HIBCH: variants seen among roughly 807,000 people sequenced by gnomAD.
The protein encoded by HIBCH is 3-hydroxyisobutyryl-CoA hydrolase, also known as 3-hydroxyisobutyryl-CoA hydrolase, mitochondrial.
Under a neutral mutation model 58.2 loss-of-function variants are expected in HIBCH, and 50 were observed. The ratio of observed to expected loss-of-function variants is 0.86; its 90% CI spans 0.68 to 1.09. The LOEUF (loss-of-function observed/expected upper bound fraction) is 1.09. Among genes scored for constraint, HIBCH ranks in the 50% least tolerant of loss-of-function variants. HIBCH has a pLI of 0.00. For missense variants in HIBCH, 450 were observed against 449.7 expected, an observed-to-expected ratio of 1.00 and a Z score of -0.01; for synonymous variants, 151 against 146.9, an observed-to-expected ratio of 1.03 and a Z score of -0.20.
downstream of HIBCH, chr2:190,202,268 T>TAATAGAGTAC (rs1205828034): frequency 6.0e-6 from 1 of 167,032 alleles, no homozygotes; most frequent in African/African-American, 2.4e-5. Flanking sequence ...AATCACATTT[T>TAATAGAGTAC]AATAGAGTAC....
intron 3 of HIBCH, 86 bp downstream of exon 3, chr2:190,296,727 G>T: frequency 8.2e-7 from 1 of 1,218,572 alleles, no homozygotes; most frequent in Non-Finnish European, 1.2e-6. Flanking sequence ...AGAATTATGT[G>T]ATTCTATGGG....
chr2:190,200,932 G>C (rs574770488), downstream of HIBCH: 1 of 166,998 alleles, frequency 6.0e-6, no homozygotes, highest in South Asian at 2.1e-4. Flanking sequence ...AGTCTGCAAG[G>C]TAGAAAGTTT....
rs1281248157 is a variant in HIBCH, at chr2:190,197,695, C to G, written c.*17+7405G>C. 3.3e-5 allele frequency among the ~76,000 whole-genome samples: 5 copies of G among 152,170 alleles called. No homozygotes were observed. The highest frequency in any genetic ancestry group is 3.3e-4 in the Admixed American group (5 of 15,280). On this transcript the variant is annotated intron_variant, in intron 1 of 1. Transcript: ENST00000399855. This position sits in a 1 kb window ranked among gnomAD's most constrained non-coding sequence, Gnocchi z 4.0. ...TTTTTCTTCTCTCAGGGATCACAAT[C>G]CAGTGTTGCTTGTTGCTCTATGCCT...
rs1455815186 is a variant in HIBCH, at chr2:190,207,071, G to A, written c.1045+1809C>T. Reference sequence around the variant, plus strand: ...CGGGAGGCGGAGTTTGCAGTGAGCCGAGATTTTGCCACTGCTCTCCAGCCT... The same window carrying A: ...CGGGAGGCGGAGTTTGCAGTGAGCCAAGATTTTGCCACTGCTCTCCAGCCT... On this transcript the variant is annotated intron_variant, in intron 13 of 13. Transcript: ENST00000359678. The surrounding 1 kb of genome is among the most constrained non-coding windows in gnomAD (Gnocchi z 4.5). Among the ~76,000 whole-genome samples, 1 of 152,192 alleles carries A rather than the reference G, an allele frequency of 6.6e-6. No individual in the cohort carries two copies.
intron 7 of HIBCH, among the ~76,000 whole-genome samples, chr2:190,258,778 T>C (rs889005035): frequency 6.6e-6 from 1 of 152,166 alleles, no homozygotes; most frequent in African/African-American, 2.4e-5. Flanking sequence ...TTTAATCCAT[T>C]TGAGGTTTTT....
At chr2:190,252,599 C>T (rs1177932975) in intron 7 of HIBCH, among the ~76,000 whole-genome samples, 2 of 152,086 alleles carry the variant, frequency 1.3e-5, no homozygotes. Flanking sequence ...CCTAAATTTT[C>T]TTACCACTGA....
chr2:190,254,085 T>C lies in HIBCH; in HGVS notation c.518-1778A>G, dbSNP rs943465400. Among the ~76,000 whole-genome samples, 1 of 152,138 alleles carries C rather than the reference T, an allele frequency of 6.6e-6. No homozygotes were observed. The highest frequency in any genetic ancestry group is 1.5e-5 in the Non-Finnish European group (1 of 68,036). Reference sequence around the variant, plus strand: ...CTATATATACATTTTCCTTAACTCCTATGACTTTAAATAATATCTATATGC... The same window carrying C: ...CTATATATACATTTTCCTTAACTCCCATGACTTTAAATAATATCTATATGC... On this transcript the variant is annotated intron_variant, in intron 7 of 13. Coordinates refer to ENST00000359678, the MANE Select transcript of HIBCH (RefSeq NM_014362.4). The surrounding 1 kb of genome is among the most constrained non-coding windows in gnomAD (Gnocchi z 5.0).
At chr2:190,247,811 C>T (rs945312827) in intron 9 of HIBCH, among the ~76,000 whole-genome samples, 12 of 152,036 alleles carry the variant, frequency 7.9e-5, no homozygotes, top group Non-Finnish European at 1.6e-4. Context: ...TATGACTCAC[C>T]GAAAGCTCAG....
At chr2:190,274,838 A>AGGAGT (rs1211404635) in intron 6 of HIBCH, among the ~76,000 whole-genome samples, 1 of 152,218 alleles carries the variant, frequency 6.6e-6, no homozygotes, top group East Asian at 1.9e-4. Flanking sequence ...CTCTGTTGAT[A>AGGAGT]GGAGTCTCTT....
chr2:190,264,090 T>A (rs939028677), intron 6 of HIBCH, among the ~76,000 whole-genome samples: 2 of 152,154 alleles, frequency 1.3e-5, no homozygotes, highest in Non-Finnish European at 1.5e-5. Context: ...CTTATTAAAA[T>A]GTAAAACATA....
Position 190,244,960 on chromosome 2 carries a change from G to T in HIBCH, c.818C>A (p.Ser273Ter). The change falls in exon 11 of 14, where the codon TCA becomes TAA. Residue 273 changes from serine (S) to a stop codon, truncating the protein, a stop_gained. Coordinates refer to ENST00000359678, the MANE Select transcript of HIBCH (RefSeq NM_014362.4). LOFTEE classifies it high-confidence loss of function. ...EHMDKINSCF[S>*]ANTVEEIIEN... ...AATAATTTCTTCCACAGTATTGGCT[G>T]AAAAACAACTATAAAAAAAGGAAAT... The T allele has an allele frequency of 6.3e-7, 1 of 1,594,948 alleles. No homozygotes were observed. Among genetic ancestry groups the T allele is most frequent in the South Asian group, 1.1e-5 (1 of 90,656 alleles).
intron 6 of HIBCH, among the ~76,000 whole-genome samples, chr2:190,280,391 T>C (rs1559050248): frequency 6.6e-6 from 1 of 152,010 alleles, no homozygotes; most frequent in Non-Finnish European, 1.5e-5. Flanking sequence ...ACACCCAGAA[T>C]GTCAGGTGAC....
At chr2:190,289,872 A>G (rs76617094) in intron 5 of HIBCH, among the ~76,000 whole-genome samples, 1,709 of 152,244 alleles carry the variant, frequency 0.011, 13 homozygotes, top group Non-Finnish European at 0.016. Context: ...TGAGAAATCC[A>G]TATTTTCATA....
At position 190,243,364 on chromosome 2, in the gene HIBCH, C is replaced by T. The variant is rs181347073; in HGVS notation, c.891+1523G>A. On this transcript the variant is annotated intron_variant, in intron 11 of 13. Coordinates refer to ENST00000359678, the MANE Select transcript of HIBCH (RefSeq NM_014362.4). The surrounding 1 kb of genome is among the most constrained non-coding windows in gnomAD (Gnocchi z 4.1). ...ATTGCTCCTCAAGCTTGTAGACAGCCTACTGTGGGACCTTGTGATTGTGCA... is the reference window on the plus strand; with the variant it reads ...ATTGCTCCTCAAGCTTGTAGACAGCTTACTGTGGGACCTTGTGATTGTGCA... 0.012 allele frequency among the ~76,000 whole-genome samples: 1,765 copies of T among 152,206 alleles called. 20 individuals carry two copies. Among genetic ancestry groups the T allele is most frequent in the Middle Eastern group, 0.031 (9 of 294 alleles).
At chr2:190,301,804 G>A (rs1447043011) in intron 2 of HIBCH, among the ~76,000 whole-genome samples, 1 of 152,196 alleles carries the variant, frequency 6.6e-6, no homozygotes, top group East Asian at 1.9e-4. Context: ...AGTTCTGTGT[G>A]TCCACACATG....
At chr2:190,303,466 G>A (rs1308425192) in intron 2 of HIBCH, among the ~76,000 whole-genome samples, 1 of 151,938 alleles carries the variant, frequency 6.6e-6, no homozygotes, top group African/African-American at 2.4e-5. Flanking sequence ...TTAAAAGGAT[G>A]GGGTCATATG....
At chr2:190,212,929 A>G in intron 12 of HIBCH, 27 bp downstream of exon 12, 2 of 1,591,880 alleles carry the variant, frequency 1.3e-6, no homozygotes, top group South Asian at 1.1e-5. Flanking sequence ...AGAACTAAAA[A>G]ATGACATTTT....
intron 6 of HIBCH, among the ~76,000 whole-genome samples, chr2:190,286,585 C>T (rs1052420191): frequency 1.3e-5 from 2 of 152,122 alleles, no homozygotes; most frequent in African/African-American, 4.8e-5. Flanking sequence ...CCATGAAGAC[C>T]AATTCTGACC....
At chr2:190,195,141 C>T (rs1013066051) in intron 1 of HIBCH, among the ~76,000 whole-genome samples, 7 of 152,104 alleles carry the variant, frequency 4.6e-5, no homozygotes, top group South Asian at 2.1e-4. Flanking sequence ...GGATTGTAGG[C>T]GTGACTATGC....
Sources: allele counts gnomAD v4.1 joint callset (sites outside exome capture counted in the v4.1 genomes callset), GRCh38; gene constraint gnomAD v4.1.1; non-coding constraint Gnocchi (gnomAD v3.1); transcripts MANE v1.5; gene names NCBI Gene and HGNC (gene_info 2026-07-23, HGNC 2026-07-21).